Variants in UTY observed in about 807,000 individuals in gnomAD.
UTY encodes the protein ubiquitously transcribed tetratricopeptide repeat containing, Y-linked, also known as histone demethylase UTY.
Under a neutral mutation model 32.5 loss-of-function variants are expected in UTY, and 12 were observed. That is an observed-to-expected ratio of 0.37 (90% CI 0.24 to 0.60). The LOEUF (loss-of-function observed/expected upper bound fraction) is 0.60. Ranked by LOEUF, UTY falls within the 20% of genes least tolerant of loss-of-function variation. UTY has a pLI of 0.69. For synonymous variants in UTY, 131 were observed against 103.4 expected (o/e 1.27, Z -1.62); for missense variants, 303 against 299.2 (o/e 1.01, Z -0.09).
At chrY:13,440,975 T>C in intron 4 of UTY, among the ~76,000 whole-genome samples, 1 of 32,499 alleles carries the variant, frequency 3.1e-5, no homozygotes, top group African/African-American at 1.2e-4. Flanking sequence ...ACTATGACAA[T>C]TGTGTAAGAG....
chrY:13,440,542 CT>C (rs2075080859), intron 4 of UTY, among the ~76,000 whole-genome samples: 1 of 33,392 alleles, frequency 3.0e-5, no homozygotes, highest in Non-Finnish European at 7.4e-5. Flanking sequence ...TGCACCCACA[CT>C]ACTTGGGCAA....
chrY:13,297,513 G>A (rs2058102535), intron 27 of UTY, 194 bp downstream of exon 27: 1 of 276,856 alleles, frequency 3.6e-6, no homozygotes, highest in Non-Finnish European at 4.9e-6. Context: ...TATCTGTAAG[G>A]GAAGGCAATA....
exon 29 of UTY, chrY:13,234,771 G>A: frequency 7.7e-6 from 1 of 130,637 alleles, no homozygotes. Flanking sequence ...GGCTTTTATG[G>A]GCCGCAGAAG....
chrY:13,348,079 T>A (rs990565415), intron 17 of UTY, among the ~76,000 whole-genome samples: 7 of 33,295 alleles, frequency 2.1e-4, no homozygotes, highest in African/African-American at 3.5e-4. Flanking sequence ...GCTCAAGGGA[T>A]AAAACAGAAT....
chrY:13,264,079 A>T (rs761641638), intron 27 of UTY, among the ~76,000 whole-genome samples: 17 of 33,982 alleles, frequency 5.0e-4, no homozygotes, highest in African/African-American at 2.0e-3. Context: ...TCCCAGCTTC[A>T]TTCATGTAAC....
chrY:13,406,765 T>C, intron 6 of UTY, among the ~76,000 whole-genome samples: 1 of 29,747 alleles, frequency 3.4e-5, no homozygotes, highest in Non-Finnish European at 8.1e-5. Flanking sequence ...ATATAACTTA[T>C]ATATAAAATT....
At chrY:13,296,993 A>G in intron 27 of UTY, among the ~76,000 whole-genome samples, 2 of 33,906 alleles carry the variant, frequency 5.9e-5, no homozygotes, top group African/African-American at 1.2e-4. Flanking sequence ...CTGCTTCTGC[A>G]TTTTCAGCTA....
intron 6 of UTY, among the ~76,000 whole-genome samples, chrY:13,405,826 G>A: frequency 3.0e-5 from 1 of 32,874 alleles, no homozygotes; most frequent in Non-Finnish European, 7.6e-5. Flanking sequence ...GAGGAATAAG[G>A]CCTGAGTTGT....
intron 8 of UTY, among the ~76,000 whole-genome samples, chrY:13,388,783 T>C: frequency 3.2e-5 from 1 of 31,595 alleles, no homozygotes; most frequent in Non-Finnish European, 7.7e-5. Context: ...ATGGGGGTGG[T>C]TTCCTCCATG....
intron 3 of UTY, among the ~76,000 whole-genome samples, chrY:13,453,135 A>C (rs769318194): frequency 1.8e-4 from 6 of 33,938 alleles, no homozygotes; most frequent in African/African-American, 6.9e-4. Context: ...TAAGGATAGA[A>C]ATAGAGACCA....
chrY:13,478,964 T>C, intron 2 of UTY: 1 of 79,385 alleles, frequency 1.3e-5, no homozygotes, highest in Non-Finnish European at 2.4e-5. Context: ...ACATTCACTA[T>C]TTGTGACGCT....
intron 9 of UTY, among the ~76,000 whole-genome samples, chrY:13,367,507 GC>G (rs2064319256): frequency 3.0e-5 from 1 of 33,535 alleles, no homozygotes; most frequent in African/African-American, 1.2e-4. Flanking sequence ...CAGTCTGTCA[GC>G]TGTGACTTAA....
intron 18 of UTY, among the ~76,000 whole-genome samples, chrY:13,330,517 C>T (rs776757821): frequency 5.9e-5 from 2 of 33,757 alleles, no homozygotes; most frequent in South Asian, 6.6e-4. Flanking sequence ...TTTTGCAATC[C>T]GCAGATGAGG....
chrY:13,421,732 C>CAA (rs2072570825), intron 4 of UTY, among the ~76,000 whole-genome samples: 3 of 33,227 alleles, frequency 9.0e-5, no homozygotes, highest in Non-Finnish European at 1.5e-4. Context: ...AACAGAAAAT[C>CAA]AAATACTGCA....
At chrY:13,419,267 C>T (rs112380451) in intron 4 of UTY, among the ~76,000 whole-genome samples, 24 of 33,783 alleles carry the variant, frequency 7.1e-4, no homozygotes, top group African/African-American at 2.5e-3. Context: ...GCAAGGCATG[C>T]TATCTCTTCT....
Position 13,249,152 on chromosome Y carries a change from A to G in UTY, c.*704T>C. ...GTTTAAAACTACAGAACTCCTTAGT[A>G]TTTAATGGCAGTTACGTCTGGAAAA... On this transcript the variant is annotated 3_prime_UTR_variant, in exon 30 of 30. Transcript: ENST00000545955. 1 of 39,322 alleles carries G rather than the reference A, an allele frequency of 2.5e-5. No homozygotes were observed. Among genetic ancestry groups the G allele is most frequent in the African/African-American group, 1.1e-4 (1 of 8,846 alleles). The allele number at this position is 39,322 out of a possible 400,897, so 9.8% of individuals were successfully genotyped here.
chrY:13,452,530 A>T, intron 3 of UTY, among the ~76,000 whole-genome samples: 1 of 34,116 alleles, frequency 2.9e-5, no homozygotes, highest in African/African-American at 1.1e-4. Context: ...AAAAAGGAAA[A>T]ATTGAAAGTC....
chrY:13,466,648 T>C, intron 3 of UTY, among the ~76,000 whole-genome samples: 1 of 33,231 alleles, frequency 3.0e-5, no homozygotes, highest in African/African-American at 1.2e-4. Flanking sequence ...CTTGGAGTAA[T>C]AGTAAATGTA....
downstream of UTY, among the ~76,000 whole-genome samples, chrY:13,234,392 C>T (rs763106983): frequency 8.2e-3 from 277 of 33,977 alleles, no homozygotes; most frequent in African/African-American, 0.029. Context: ...AGATTCACAA[C>T]CCTGGCTCAA....
Sources: gnomAD v4.1 joint callset for allele counts (sites outside exome capture counted in the v4.1 genomes callset) on GRCh38, gnomAD v4.1.1 for gene constraint, MANE v1.5 for transcripts, NCBI Gene and HGNC (gene_info 2026-07-23, HGNC 2026-07-21) for gene names.